The following RAB38 variants were observed in gnomAD, a reference collection of about 807,000 sequenced individuals.
The protein encoded by RAB38 is RAB38, member RAS oncogene family.
Under a neutral mutation model 18.4 loss-of-function variants are expected in RAB38, and 15 were observed. The observed-to-expected ratio is 0.82, with a 90% CI of 0.55 to 1.26. The LOEUF is 1.26. RAB38 is among the 50% of genes most tolerant of loss of function. The pLI is 0.00. For missense variants in RAB38, 294 were observed against 267.4 expected (o/e 1.10, Z -0.69); for synonymous variants, 101 against 104.4 (o/e 0.97, Z 0.20).
chr11:88,081,023 T>C, the RAB38 span, among the ~76,000 whole-genome samples: 1 of 151,858 alleles, frequency 6.6e-6, no homozygotes, highest in Non-Finnish European at 1.5e-5. Flanking sequence ...TAAGACACTA[T>C]ATAAAAAATA....
chr11:88,166,732 A>G (rs1943249857), intron 1 of RAB38: 1 of 152,156 alleles, frequency 6.6e-6, no homozygotes, highest in South Asian at 2.1e-4. Flanking sequence ...ATGGTATTTA[A>G]GGACATTTCC....
chr11:88,025,071 T>C, the RAB38 span, among the ~76,000 whole-genome samples: 1 of 152,058 alleles, frequency 6.6e-6, no homozygotes, highest in Non-Finnish European at 1.5e-5. Flanking sequence ...GAATATCCAA[T>C]TTTCCATGAT....
At chr11:88,102,750 A>G in the RAB38 span, among the ~76,000 whole-genome samples, 1 of 152,046 alleles carries the variant, frequency 6.6e-6, no homozygotes, top group African/African-American at 2.4e-5. Flanking sequence ...CCTTGCTCTG[A>G]AACTTCCTCT....
At chr11:87,829,560 AACTC>A in the RAB38 span, among the ~76,000 whole-genome samples, 1 of 152,076 alleles carries the variant, frequency 6.6e-6, no homozygotes, top group Admixed American at 6.6e-5. Context: ...ATCTTGTGAG[AACTC>A]ACTCACTATC....
At chr11:87,944,477 A>G in the RAB38 span, among the ~76,000 whole-genome samples, 3 of 152,068 alleles carry the variant, frequency 2.0e-5, no homozygotes, top group African/African-American at 7.2e-5. Flanking sequence ...GTAGTCTTCC[A>G]TTTTTGGTCC....
chr11:88,004,757 A>T, the RAB38 span, among the ~76,000 whole-genome samples: 2 of 151,432 alleles, frequency 1.3e-5, no homozygotes, highest in African/African-American at 4.8e-5. Flanking sequence ...CAAAGGAAAT[A>T]AAACTACTAA....
the RAB38 span, among the ~76,000 whole-genome samples, chr11:87,934,071 C>A: frequency 1.3e-5 from 2 of 152,114 alleles, no homozygotes; most frequent in African/African-American, 2.4e-5. Context: ...AACCTTCCAG[C>A]ATCTCCCTGA....
At chr11:87,879,144 A>AAT in the RAB38 span, among the ~76,000 whole-genome samples, 4 of 151,756 alleles carry the variant, frequency 2.6e-5, no homozygotes, top group Non-Finnish European at 5.9e-5. Flanking sequence ...GCATATCATA[A>AAT]ATATAAATTT....
chr11:87,899,220 G>A, the RAB38 span, among the ~76,000 whole-genome samples: 1 of 151,610 alleles, frequency 6.6e-6, no homozygotes, highest in East Asian at 2.0e-4. Context: ...GGAAGGTGTG[G>A]CTCCCAAGGT....
intron 2 of RAB38, among the ~76,000 whole-genome samples, chr11:88,137,255 A>C (rs568910106): frequency 5.3e-5 from 8 of 152,226 alleles, no homozygotes; most frequent in Non-Finnish European, 1.0e-4. Flanking sequence ...TCTTGCTCTC[A>C]AAATTTTTAA....
the RAB38 span, among the ~76,000 whole-genome samples, chr11:87,948,915 G>C: frequency 6.6e-6 from 1 of 152,042 alleles, no homozygotes; most frequent in Non-Finnish European, 1.5e-5. Context: ...AAATGAGTTA[G>C]GGAGGATTCC....
At chr11:88,037,923 C>T in the RAB38 span, among the ~76,000 whole-genome samples, 5 of 151,924 alleles carry the variant, frequency 3.3e-5, no homozygotes, top group African/African-American at 1.2e-4. Flanking sequence ...ATACTCATTC[C>T]AAAAGGTATA....
the RAB38 span, among the ~76,000 whole-genome samples, chr11:87,968,994 A>T: frequency 6.6e-6 from 1 of 152,164 alleles, no homozygotes; most frequent in Non-Finnish European, 1.5e-5. Context: ...ATTAGACGTC[A>T]TCACTATGCA....
chr11:88,014,523 T>C, the RAB38 span, among the ~76,000 whole-genome samples: 1 of 152,046 alleles, frequency 6.6e-6, no homozygotes, highest in Non-Finnish European at 1.5e-5. Flanking sequence ...AGTGGCAGAG[T>C]TGAGATTAGA....
chr11:87,938,961 C>T, the RAB38 span, among the ~76,000 whole-genome samples: 4 of 151,946 alleles, frequency 2.6e-5, no homozygotes, highest in African/African-American at 7.3e-5. Flanking sequence ...CTCCCAGAAA[C>T]AGAAGTCCTT....
At chr11:88,057,553 G>C in the RAB38 span, among the ~76,000 whole-genome samples, 4 of 152,168 alleles carry the variant, frequency 2.6e-5, no homozygotes, top group Admixed American at 6.5e-5. Flanking sequence ...ACAGCATGTA[G>C]TGTTCAATAA....
chr11:87,933,570 A>G, the RAB38 span, among the ~76,000 whole-genome samples: 1 of 152,092 alleles, frequency 6.6e-6, no homozygotes, highest in African/African-American at 2.4e-5. Flanking sequence ...GTAAATGTGA[A>G]GCTTCCTTGG....
chr11:88,055,089 T>G, the RAB38 span, among the ~76,000 whole-genome samples: 1 of 152,100 alleles, frequency 6.6e-6, no homozygotes, highest in South Asian at 2.1e-4. Context: ...AGATACCTGT[T>G]AGCATGATAC....
chr11:88,167,977 AT>A (rs1242803938), intron 1 of RAB38, among the ~76,000 whole-genome samples: 4 of 152,192 alleles, frequency 2.6e-5, no homozygotes, highest in Non-Finnish European at 5.9e-5. Context: ...CTTTCAAGGA[AT>A]CTCCAAAGTG....
Sources: gnomAD v4.1 joint callset for allele counts (sites outside exome capture counted in the v4.1 genomes callset) on GRCh38, gnomAD v4.1.1 for gene constraint, MANE v1.5 for transcripts, NCBI Gene and HGNC (gene_info 2026-07-23, HGNC 2026-07-21) for gene names.